PTPRD: variants seen among roughly 807,000 people sequenced by gnomAD.
PTPRD encodes protein tyrosine phosphatase receptor type D.
Under a neutral mutation model 214.5 loss-of-function variants are expected in PTPRD, and 34 were observed. The ratio of observed to expected loss-of-function variants is 0.16; its 90% confidence interval spans 0.12 to 0.21. The LOEUF (loss-of-function observed/expected upper bound fraction) is 0.21, where lower values mean the gene tolerates loss of function less well. PTPRD is among the 10% of genes least tolerant of loss of function. The probability of loss-of-function intolerance (pLI) is 1.00; values close to 1 mark genes in which losing one functional copy is unlikely to be tolerated. For missense variants in PTPRD, 2,545 were observed against 2,398.7 expected, an observed-to-expected ratio of 1.06 and a Z score of -1.27; for synonymous variants, 1,128 against 845.7, an observed-to-expected ratio of 1.33 and a Z score of -5.79.
intron 8 of PTPRD, among the ~76,000 whole-genome samples, chr9:9,449,946 A>C (rs138189168): frequency 2.0e-5 from 3 of 152,030 alleles, no homozygotes; most frequent in African/African-American, 7.2e-5. Context: ...TTGTGTCCAC[A>C]TATCTTAGCT....
chr9:10,197,198 G>C (rs2099401732), intron 3 of PTPRD, among the ~76,000 whole-genome samples: 1 of 152,022 alleles, frequency 6.6e-6, no homozygotes, highest in South Asian at 2.1e-4. Context: ...CTCCCTTTTG[G>C]CTCTAGCCTG....
Position 8,521,560 on chromosome 9 carries a change from C to T in PTPRD, c.692-14G>A, listed in dbSNP as rs2097890154. On this transcript the variant is annotated splice_polypyrimidine_tract_variant and intron_variant, in intron 19 of 45. Coordinates refer to ENST00000381196, the MANE Select transcript of PTPRD (RefSeq NM_002839.4). ...GGACACGGCGAACTGGAACAAAACA[C>T]AAGGGAAATGATAACATATACAAGG... The T allele has an allele frequency of 6.2e-7, 1 of 1,610,594 alleles. No homozygotes were observed. Among genetic ancestry groups the T allele is most frequent in the Admixed American group, 1.7e-5 (1 of 59,846 alleles).
intron 11 of PTPRD, among the ~76,000 whole-genome samples, chr9:8,920,858 G>A (rs1567007989): frequency 6.6e-6 from 1 of 152,016 alleles, no homozygotes; most frequent in African/African-American, 2.4e-5. Flanking sequence ...CTGTTGCCCA[G>A]GCTGCAGTGC....
chr9:9,970,073 C>T (rs531514637), intron 4 of PTPRD, among the ~76,000 whole-genome samples: 5 of 151,974 alleles, frequency 3.3e-5, no homozygotes, highest in African/African-American at 1.2e-4. Flanking sequence ...AAAAGGAGAC[C>T]GTTTGTATTT....
Position 10,070,840 on chromosome 9 carries a change from A to G in PTPRD, c.-544-37050T>C, listed in dbSNP as rs1674240873. 3.3e-5 allele frequency among the ~76,000 whole-genome samples: 5 copies of G among 152,004 alleles called. No individual in the cohort carries two copies. In the South Asian group the frequency reaches 1.0e-3, roughly 31 times the overall value. On this transcript the variant is annotated intron_variant, in intron 3 of 45. Transcript: ENST00000381196. The stretch of plus-strand genomic sequence containing the variant: ...ATTTCTAAGCTATTCTATCAGGAAG[A>G]GATTATGATTACCTTATTTTGTAGA...
At chr9:9,853,269 T>C (rs1436823983) in intron 5 of PTPRD, among the ~76,000 whole-genome samples, 1 of 152,174 alleles carries the variant, frequency 6.6e-6, no homozygotes, top group Non-Finnish European at 1.5e-5. Flanking sequence ...CAACTGAACA[T>C]GGGTGTGTTA....
intron 2 of PTPRD, among the ~76,000 whole-genome samples, chr9:10,522,107 G>C (rs2052527141): frequency 6.6e-6 from 1 of 152,110 alleles, no homozygotes; most frequent in Non-Finnish European, 1.5e-5. Context: ...AAAGGTACTG[G>C]TGGTACCTGA....
chr9:9,063,091 G>A (rs1456994750), intron 10 of PTPRD, among the ~76,000 whole-genome samples: 1 of 152,104 alleles, frequency 6.6e-6, no homozygotes, highest in Non-Finnish European at 1.5e-5. Context: ...CCTAGATTGT[G>A]TGTGAGAGGA....
intron 9 of PTPRD, among the ~76,000 whole-genome samples, chr9:9,294,008 G>A (rs1301347124): frequency 6.6e-6 from 1 of 151,482 alleles, no homozygotes; most frequent in Non-Finnish European, 1.5e-5. Context: ...AGTAAAATAA[G>A]GGTTACTTGG....
chr9:9,441,981 T>G (rs1159321042), intron 8 of PTPRD: 4 of 152,246 alleles, frequency 2.6e-5, no homozygotes, highest in Non-Finnish European at 5.9e-5. Context: ...TCAAGATATA[T>G]CTTATTCAAA....
chr9:8,828,821 G>T (rs938834403), intron 11 of PTPRD, among the ~76,000 whole-genome samples: 1 of 152,106 alleles, frequency 6.6e-6, no homozygotes, highest in African/African-American at 2.4e-5. Context: ...TATAAAATTT[G>T]TGAAATTCTC....
chr9:9,737,285 T>C (rs192796267), intron 6 of PTPRD, among the ~76,000 whole-genome samples: 266 of 152,286 alleles, frequency 1.7e-3, no homozygotes, highest in African/African-American at 6.2e-3. Flanking sequence ...TGCCTAATAA[T>C]ATGCTTTGAT....
chr9:8,719,055 T>A (rs2098465404), intron 12 of PTPRD, among the ~76,000 whole-genome samples: 1 of 152,172 alleles, frequency 6.6e-6, no homozygotes, highest in Non-Finnish European at 1.5e-5. Context: ...AGACCCATGA[T>A]TACAAACTGT....
At chr9:9,656,399 C>T (rs756014597) in intron 7 of PTPRD, among the ~76,000 whole-genome samples, 24 of 152,100 alleles carry the variant, frequency 1.6e-4, no homozygotes, top group Non-Finnish European at 3.4e-4. Flanking sequence ...TACACTGATA[C>T]ATCCAGACAA....
intron 23 of PTPRD, among the ~76,000 whole-genome samples, chr9:8,502,492 G>A (rs1030196563): frequency 6.6e-6 from 1 of 151,912 alleles, no homozygotes; most frequent in African/African-American, 2.4e-5. Context: ...AAAGCTCTCT[G>A]TACTGACAAA....
Position 10,519,436 on chromosome 9 carries a change from A to G in PTPRD, c.-600+92962T>C, listed in dbSNP as rs184525431. On this transcript the variant is annotated intron_variant, in intron 2 of 45. Coordinates refer to ENST00000381196, the MANE Select transcript of PTPRD (RefSeq NM_002839.4). The stretch of plus-strand genomic sequence containing the variant: ...AAAATAACATAATAAAGATATTCAA[A>G]CATCTAACAATTAACCAATATATGC... 1.3e-3 allele frequency among the ~76,000 whole-genome samples: 199 copies of G among 152,238 alleles called. 1 individual carries two copies. The highest frequency in any genetic ancestry group is 4.5e-3 in the African/African-American group (189 of 41,568).
At chr9:9,889,810 T>C (rs569086134) in intron 5 of PTPRD, among the ~76,000 whole-genome samples, 1 of 143,122 alleles carries the variant, frequency 7.0e-6, no homozygotes, top group Admixed American at 6.7e-5. Flanking sequence ...TGTGTGTGTG[T>C]GTATGTGTGT....
At chr9:9,981,758 T>G (rs2154066842) in intron 4 of PTPRD, among the ~76,000 whole-genome samples, 1 of 152,186 alleles carries the variant, frequency 6.6e-6, no homozygotes, top group African/African-American at 2.4e-5. Context: ...GAGATAAAAT[T>G]TTAAAGGCGC....
At chr9:10,294,789 C>T (rs2095627866) in intron 3 of PTPRD, among the ~76,000 whole-genome samples, 2 of 151,932 alleles carry the variant, frequency 1.3e-5, no homozygotes, top group South Asian at 2.1e-4. Flanking sequence ...GCTATTTTCT[C>T]TTCACTTTAC....
Sources: allele counts gnomAD v4.1 joint callset (sites outside exome capture counted in the v4.1 genomes callset), GRCh38; gene constraint gnomAD v4.1.1; transcripts MANE v1.5; gene names NCBI Gene and HGNC (gene_info 2026-07-23, HGNC 2026-07-21).